LRRC7: variants seen among roughly 807,000 people sequenced by gnomAD.
The protein encoded by LRRC7 is leucine-rich repeat-containing protein 7.
Under a neutral mutation model 175.7 loss-of-function variants are expected in LRRC7, and 23 were observed. The observed-to-expected ratio is 0.13, with a 90% confidence interval of 0.09 to 0.19. LRRC7 has a LOEUF of 0.19. Ranked by LOEUF, LRRC7 falls within the 10% of genes least tolerant of loss-of-function variation. The probability of loss-of-function intolerance (pLI) is 1.00; values close to 1 mark genes in which losing one functional copy is unlikely to be tolerated. For missense variants in LRRC7, 1,354 were observed against 1,904.7 expected (o/e 0.71, Z 5.38); for synonymous variants, 685 against 680.9 (o/e 1.01, Z -0.09).
chr1:69,984,648 T>A (rs1260820600), intron 9 of LRRC7, among the ~76,000 whole-genome samples: 1 of 152,150 alleles, frequency 6.6e-6, no homozygotes, highest in Non-Finnish European at 1.5e-5. Flanking sequence ...CAGTTACTAA[T>A]CCAATCATTC....
At chr1:69,815,925 G>T (rs1023341391) in intron 4 of LRRC7, among the ~76,000 whole-genome samples, 3 of 151,964 alleles carry the variant, frequency 2.0e-5, no homozygotes, top group Non-Finnish European at 2.9e-5. Flanking sequence ...GCTGGTGGAA[G>T]GAGCAAGACA....
chr1:69,571,538 G>A (rs1387358536), intron 1 of LRRC7, among the ~76,000 whole-genome samples: 1 of 152,026 alleles, frequency 6.6e-6, no homozygotes. Context: ...CATTCCAGTG[G>A]TACTTGTAGA....
chr1:69,596,033 G>A (rs1646830814), intron 1 of LRRC7, among the ~76,000 whole-genome samples: 2 of 129,862 alleles, frequency 1.5e-5, no homozygotes, highest in Middle Eastern at 4.1e-3. Context: ...AATCTTTTAT[G>A]CAATTATCCT....
chr1:69,592,019 C>T (rs1245046), intron 1 of LRRC7, among the ~76,000 whole-genome samples: 23,020 of 152,058 alleles, frequency 0.15, 1,919 homozygotes, highest in Admixed American at 0.19. Flanking sequence ...GAGGAAGGAA[C>T]TGATCTCTAG....
At chr1:70,058,464 A>G (rs930491600) in intron 23 of LRRC7, among the ~76,000 whole-genome samples, 2 of 152,236 alleles carry the variant, frequency 1.3e-5, no homozygotes, top group Non-Finnish European at 2.9e-5. Flanking sequence ...GCAATTGCTG[A>G]AAACAACCAT....
intron 7 of LRRC7, among the ~76,000 whole-genome samples, chr1:69,921,444 A>G (rs1309679835): frequency 6.6e-6 from 1 of 151,998 alleles, no homozygotes; most frequent in Non-Finnish European, 1.5e-5. Flanking sequence ...ACCTATCTCC[A>G]CCTTAGATTT....
At chr1:69,684,068 A>T (rs995100383) in intron 2 of LRRC7, among the ~76,000 whole-genome samples, 1 of 152,194 alleles carries the variant, frequency 6.6e-6, no homozygotes, top group African/African-American at 2.4e-5. Flanking sequence ...TTTTGAAGTT[A>T]TTAAAATATC....
At chr1:70,021,574 A>G (rs913433991) in intron 16 of LRRC7, among the ~76,000 whole-genome samples, 13 of 152,136 alleles carry the variant, frequency 8.5e-5, no homozygotes. Context: ...AAATCTCTGA[A>G]AAGTTCTGTG....
intron 7 of LRRC7, among the ~76,000 whole-genome samples, chr1:69,873,088 C>CAGAGAGTTATTGGA (rs1685714546): frequency 6.6e-6 from 1 of 152,048 alleles, no homozygotes; most frequent in South Asian, 2.1e-4. Context: ...CTTGTTATCT[C>CAGAGAGTTATTGGA]AGAGAGTTAT....
chr1:69,765,693 A>G (rs1671548982), intron 3 of LRRC7, among the ~76,000 whole-genome samples: 1 of 152,122 alleles, frequency 6.6e-6, no homozygotes, highest in Non-Finnish European at 1.5e-5. Context: ...TTCACTGAAC[A>G]AGAAACTATG....
chr1:69,727,911 G>A (rs1667151800), intron 2 of LRRC7, among the ~76,000 whole-genome samples: 1 of 152,158 alleles, frequency 6.6e-6, no homozygotes, highest in African/African-American at 2.4e-5. Context: ...CTGAGTGTGA[G>A]GATGGTGTAA....
chr1:69,815,862 T>C (rs1314724529), intron 4 of LRRC7, among the ~76,000 whole-genome samples: 1 of 152,154 alleles, frequency 6.6e-6, no homozygotes, highest in Non-Finnish European at 1.5e-5. Context: ...CCCATAGTGT[T>C]CTTATTAAAA....
chr1:69,697,845 A>G (rs1233841794), intron 2 of LRRC7, among the ~76,000 whole-genome samples: 2 of 152,208 alleles, frequency 1.3e-5, no homozygotes, highest in South Asian at 2.1e-4. Context: ...GTGCATGGCT[A>G]CAAGGATCTT....
intron 3 of LRRC7, 113 bp downstream of exon 3, chr1:69,760,506 C>T (rs1670923397): frequency 1.2e-6 from 1 of 851,220 alleles, no homozygotes; most frequent in Non-Finnish European, 1.8e-6. Flanking sequence ...ACTGACAAGT[C>T]ATTGAAATTG....
intron 23 of LRRC7, among the ~76,000 whole-genome samples, chr1:70,064,639 T>TTTGTTGTTGTTG (rs60880306): frequency 3.7e-4 from 56 of 151,118 alleles, no homozygotes; most frequent in East Asian, 1.6e-3. Flanking sequence ...TGCTTGGTAT[T>TTTGTTGTTGTTG]TTGTTGTTGT....
intron 24 of LRRC7, among the ~76,000 whole-genome samples, chr1:70,078,387 G>A (rs1399532624): frequency 1.3e-5 from 2 of 152,014 alleles, no homozygotes; most frequent in African/African-American, 4.8e-5. Context: ...TCTTCCCAAT[G>A]GCACCTTCAA....
chr1:69,581,284 G>T (rs377073479), intron 1 of LRRC7, among the ~76,000 whole-genome samples: 1 of 152,168 alleles, frequency 6.6e-6, no homozygotes, highest in South Asian at 2.1e-4. Flanking sequence ...TGGAAATAGG[G>T]ATTCATGAAT....
chr1:69,594,648 G>A (rs1223106640), intron 1 of LRRC7, among the ~76,000 whole-genome samples: 6 of 152,136 alleles, frequency 3.9e-5, no homozygotes, highest in Non-Finnish European at 4.4e-5. Context: ...TCACACTCAC[G>A]CTATTATCTT....
intron 22 of LRRC7, among the ~76,000 whole-genome samples, chr1:70,049,073 G>A (rs929686290): frequency 1.3e-5 from 2 of 152,000 alleles, no homozygotes; most frequent in Non-Finnish European, 2.9e-5. Flanking sequence ...CTGCTAGTTG[G>A]CTTATTGAAT....
Sources: gnomAD v4.1 joint callset for allele counts (sites outside exome capture counted in the v4.1 genomes callset) on GRCh38, gnomAD v4.1.1 for gene constraint, MANE v1.5 for transcripts, NCBI Gene and HGNC (gene_info 2026-07-23, HGNC 2026-07-21) for gene names.